Variants in KAT6B observed in about 807,000 individuals in gnomAD.
The protein encoded by KAT6B is histone acetyltransferase KAT6B.
A neutral mutation model predicts 187.5 loss-of-function variants in KAT6B; 10 were observed. The observed-to-expected ratio is 0.05, with a 90% CI of 0.03 to 0.09. The LOEUF (loss-of-function observed/expected upper bound fraction) is 0.09, where lower values mean the gene tolerates loss of function less well. Ranked by LOEUF, KAT6B falls within the 10% of genes least tolerant of loss-of-function variation. The pLI is 1.00. For missense variants in KAT6B, 1,952 were observed against 2,558.9 expected (o/e 0.76, Z 5.12); for synonymous variants, 861 against 926.8 (o/e 0.93, Z 1.29).
Position 75,028,995 on chromosome 10 carries a change from G to A in KAT6B, c.4171G>A (p.Glu1391Lys), listed in dbSNP as rs1846101190. 6.2e-7 allele frequency: 1 copy of A among 1,614,032 alleles called. No individual in the cohort carries two copies. The highest frequency in any genetic ancestry group is 8.5e-7 in the Non-Finnish European group (1 of 1,180,022). The change falls in exon 18 of 18, where the codon GAG (glutamate) becomes AAG (lysine). Residue 1391 changes from glutamate to lysine, a missense_variant. Transcript: ENST00000287239. ...DPDGAKSQEK[E>K]EPEISTEKED... ...AGATGGTGCTAAAAGCCAAGAAAAA[G>A]AGGAACCAGAAATCTCCACGGAAAA...
rs758590462 is a variant in KAT6B at position 74,840,590 on chromosome 10, C to A, written c.-259+1838C>A. The stretch of plus-strand genomic sequence containing the variant: ...TCAAAAAGTGACAAATTATCAATCA[C>A]TGGAAGTATTTTAAAAATGTAAAGA... On this transcript the variant is annotated intron_variant, in intron 2 of 17. Transcript: ENST00000287239. 2.0e-5 allele frequency among the ~76,000 whole-genome samples: 3 copies of A among 152,156 alleles called. No individual in the cohort carries two copies. In the South Asian group the frequency reaches 6.2e-4, roughly 32 times the overall value.
At position 75,024,880 on chromosome 10, in the gene KAT6B, G is replaced by A. The variant is rs140516865; in HGVS notation, c.3373-78G>A. ...TGTAAGATTCTCAGACACGCGTTCA[G>A]TACATGTCTACTGCATATCGACTCA... On this transcript the variant is annotated intron_variant, in intron 16 of 17. Transcript: ENST00000287239. 464 of 1,329,746 alleles carry A rather than the reference G, an allele frequency of 3.5e-4. 3 individuals are homozygous for A. In the African/African-American group the frequency reaches 6.2e-3, roughly 18 times the overall value. The allele number at this position is 1,329,746 out of a possible 1,614,324, so 82.4% of individuals were successfully genotyped here.
chr10:74,900,561 C>T (rs1846307674), intron 3 of KAT6B, among the ~76,000 whole-genome samples: 2 of 152,200 alleles, frequency 1.3e-5, no homozygotes, highest in African/African-American at 4.8e-5. Context: ...CTGTTGGAGG[C>T]ATGTGCCCAT....
rs1477777571 is a variant in KAT6B at position 74,865,912 on chromosome 10, G to C, written c.621+22434G>C. 2.0e-5 allele frequency among the ~76,000 whole-genome samples: 3 copies of C among 152,096 alleles called. No homozygotes were observed. In the East Asian group the frequency reaches 5.8e-4, roughly 29 times the overall value. On this transcript the variant is annotated intron_variant, in intron 3 of 17. Coordinates refer to ENST00000287239, the MANE Select transcript of KAT6B (RefSeq NM_012330.4). Reference sequence around the variant, plus strand: ...ATGGAAAACAGTACAGTTGACCCTTGAACAACACAGGTTTGTGCTGCGCTG... The same window carrying C: ...ATGGAAAACAGTACAGTTGACCCTTCAACAACACAGGTTTGTGCTGCGCTG...
chr10:74,911,351 A>C (rs968951444), intron 3 of KAT6B, among the ~76,000 whole-genome samples: 2 of 150,564 alleles, frequency 1.3e-5, no homozygotes, highest in Non-Finnish European at 3.0e-5. Context: ...ACTCACTGCA[A>C]CCTCCTCCAG....
intron 3 of KAT6B, among the ~76,000 whole-genome samples, chr10:74,945,495 ACT>A (rs1369412990): frequency 3.3e-5 from 5 of 152,036 alleles, no homozygotes; most frequent in African/African-American, 1.2e-4. Context: ...ACGGAGTCTC[ACT>A]CTGTCATCCA....
At chr10:74,996,599 T>C (rs192483222) in intron 13 of KAT6B, among the ~76,000 whole-genome samples, 3 of 151,934 alleles carry the variant, frequency 2.0e-5, no homozygotes, top group East Asian at 1.9e-4. Flanking sequence ...TGAAACCCCG[T>C]CTCTACTAAA....
At chr10:74,977,471 A>G (rs753931554) in intron 9 of KAT6B, 34 bp downstream of exon 9, 13 of 1,611,448 alleles carry the variant, frequency 8.1e-6, no homozygotes, top group Non-Finnish European at 1.1e-5. Flanking sequence ...AGTAGCAAGT[A>G]TAAGATGTGG....
At chr10:74,944,763 C>G (rs947292906) in intron 3 of KAT6B, among the ~76,000 whole-genome samples, 2 of 143,300 alleles carry the variant, frequency 1.4e-5, no homozygotes, top group African/African-American at 5.2e-5. Flanking sequence ...GAGCCGAGAT[C>G]GCGCCACTGC....
intron 8 of KAT6B, 112 bp downstream of exon 8, chr10:74,976,442 T>C: frequency 1.1e-6 from 1 of 881,640 alleles, no homozygotes; most frequent in Non-Finnish European, 1.8e-6. Flanking sequence ...TAGCTATTTC[T>C]CTTGTTCTCA....
At chr10:74,930,188 G>A (rs916564196) in intron 3 of KAT6B, among the ~76,000 whole-genome samples, 4 of 152,132 alleles carry the variant, frequency 2.6e-5, no homozygotes, top group African/African-American at 4.8e-5. Flanking sequence ...CTCCCAGAGT[G>A]TTGGGATTAT....
At chr10:74,894,894 C>CTT (rs897321596) in intron 3 of KAT6B, among the ~76,000 whole-genome samples, 61 of 152,230 alleles carry the variant, frequency 4.0e-4, no homozygotes, top group Middle Eastern at 3.4e-3. Context: ...GCAAAAATCT[C>CTT]TTTGAGATCC....
At chr10:74,825,203 G>A (rs930013771), upstream of KAT6B, among the ~76,000 whole-genome samples, 2 of 152,204 alleles carry the variant, frequency 1.3e-5, no homozygotes, top group African/African-American at 2.4e-5. This position sits in a 1 kb window ranked among gnomAD's most constrained non-coding sequence, Gnocchi z 5.0. Flanking sequence ...CCACAGCGAC[G>A]GGAGTGGGGA....
At chr10:75,021,336 T>G in intron 15 of KAT6B, 51 bp downstream of exon 15, 1 of 1,588,164 alleles carries the variant, frequency 6.3e-7, no homozygotes, top group Non-Finnish European at 8.6e-7. Context: ...TCTTGTAGCA[T>G]TCTTAAGCTA....
At chr10:74,910,844 T>C (rs1847150695) in intron 3 of KAT6B, among the ~76,000 whole-genome samples, 1 of 152,216 alleles carries the variant, frequency 6.6e-6, no homozygotes, top group Non-Finnish European at 1.5e-5. Flanking sequence ...AACAGCTATA[T>C]GCATTCTCTT....
chr10:74,916,874 G>A (rs1039694371), intron 3 of KAT6B, among the ~76,000 whole-genome samples: 5 of 152,184 alleles, frequency 3.3e-5, no homozygotes, highest in African/African-American at 1.2e-4. Flanking sequence ...GGCCCAGGCG[G>A]GTGGATGTCT....
At chr10:74,989,138 C>A in intron 13 of KAT6B, 26 bp downstream of exon 13, 1 of 1,510,808 alleles carries the variant, frequency 6.6e-7, no homozygotes, top group Non-Finnish European at 9.2e-7. Flanking sequence ...TATTTACTTT[C>A]ATGATCCAGG....
At chr10:74,949,682 TACTC>T (rs138673842) in intron 3 of KAT6B, among the ~76,000 whole-genome samples, 37,313 of 151,948 alleles carry the variant, frequency 0.25, 8,242 homozygotes, top group African/African-American at 0.59. Context: ...TCTCTCGTCT[TACTC>T]CGTTATGGCT....
intron 13 of KAT6B, among the ~76,000 whole-genome samples, chr10:75,006,819 C>A (rs1182695266): frequency 1.4e-5 from 2 of 146,100 alleles, no homozygotes; most frequent in Non-Finnish European, 3.0e-5. Context: ...GTAATCCCAG[C>A]ACTTTGGGAG....
Sources: allele counts gnomAD v4.1 joint callset (sites outside exome capture counted in the v4.1 genomes callset), GRCh38; gene constraint gnomAD v4.1.1; non-coding constraint Gnocchi (gnomAD v3.1); transcripts MANE v1.5; gene names NCBI Gene and HGNC (gene_info 2026-07-23, HGNC 2026-07-21).